ROBO1: variants seen among roughly 807,000 people sequenced by gnomAD.
ROBO1 encodes roundabout guidance receptor 1.
ROBO1 carries 149 observed loss-of-function variants against 195.9 expected under a neutral mutation model. That is an observed-to-expected ratio of 0.76 (90% confidence interval 0.67 to 0.87). The LOEUF (loss-of-function observed/expected upper bound fraction) is 0.87, where lower values mean the gene tolerates loss of function less well. ROBO1 is among the 40% of genes least tolerant of loss of function. The pLI is 0.00. For missense variants in ROBO1, 1,933 were observed against 2,068.3 expected, an observed-to-expected ratio of 0.93 and a Z score of 1.27; for synonymous variants, 816 against 733.2, an observed-to-expected ratio of 1.11 and a Z score of -1.82.
rs1381488370 is a variant in ROBO1, at chr3:79,300,433, ACTGGGCGTTAGCTGCCTTC to A, written c.89-174913_89-174895del. 4.6e-5 allele frequency among the ~76,000 whole-genome samples: 7 copies of A among 152,258 alleles called. No homozygotes were observed. In the East Asian group the frequency reaches 1.4e-3, roughly 29 times the overall value. On this transcript the variant is annotated intron_variant, in intron 2 of 30. Transcript: ENST00000464233. ...CCACCGGCGCTGCGCTCGATTTCTC[ACTGGGCGTTAGCTGCCTTC>A]CCGCGGGGCAGGGCTCGGGACCTGC...
chr3:79,107,405 T>C (rs1344159381), intron 3 of ROBO1, among the ~76,000 whole-genome samples: 3 of 151,780 alleles, frequency 2.0e-5, no homozygotes, highest in African/African-American at 4.8e-5. Context: ...ATAAGAGTTA[T>C]AGCAGAGTTG....
chr3:79,337,361 A>G lies in ROBO1; in HGVS notation c.89-211822T>C, dbSNP rs567385352. 2.6e-5 allele frequency among the ~76,000 whole-genome samples: 4 copies of G among 152,310 alleles called. No homozygotes were observed. The East Asian group carries it at 7.7e-4, about 29-fold the overall frequency. On this transcript the variant is annotated intron_variant, in intron 2 of 30. Transcript: ENST00000464233. Reference sequence around the variant, plus strand: ...GGGACGAAGTGGAGATAATTGAATCATGGAGGCAGTTTCCCCATATTGTTC... The same window carrying G: ...GGGACGAAGTGGAGATAATTGAATCGTGGAGGCAGTTTCCCCATATTGTTC...
chr3:79,603,396 C>A (rs1364186777), intron 1 of ROBO1, among the ~76,000 whole-genome samples: 1 of 151,974 alleles, frequency 6.6e-6, no homozygotes, highest in African/African-American at 2.4e-5. Context: ...ATACCCCCCA[C>A]AGCCCTTGAA....
At chr3:79,214,826 A>ATT (rs60371742) in intron 2 of ROBO1, among the ~76,000 whole-genome samples, 75 of 129,130 alleles carry the variant, frequency 5.8e-4, no homozygotes, top group Middle Eastern at 4.1e-3. Context: ...ATATATATAT[A>ATT]TTTTTTTTTT....
chr3:79,108,642 T>C (rs1201352480), intron 3 of ROBO1, among the ~76,000 whole-genome samples: 1 of 151,808 alleles, frequency 6.6e-6, no homozygotes, highest in Admixed American at 6.6e-5. Flanking sequence ...AGAAACTATA[T>C]GCATATTAAA....
In ROBO1 at chr3:78,600,209, T is replaced by C. The variant is rs1161301877; in HGVS notation, c.4845A>G (p.Arg1615=). 6.2e-7 allele frequency: 1 copy of C among 1,613,600 alleles called. No individual in the cohort carries two copies. Among genetic ancestry groups the C allele is most frequent in the East Asian group, 2.2e-5 (1 of 44,836 alleles). ...SSMSSRGSGS[R]QREQANVGRR... ...GACCTACATTTGCTTGTTCTCTTTGTCTGCTTCCTGATCCTCTTGATGACA... is the reference window on the plus strand; with the variant it reads ...GACCTACATTTGCTTGTTCTCTTTGCCTGCTTCCTGATCCTCTTGATGACA... Residue 1615 remains arginine, a synonymous_variant, in exon 30 of 31, where the codon AGA becomes AGG. Transcript: ENST00000464233.
chr3:78,652,483 C>T (rs906219943), intron 18 of ROBO1, among the ~76,000 whole-genome samples: 12 of 151,850 alleles, frequency 7.9e-5, no homozygotes, highest in African/African-American at 1.7e-4. Context: ...GTGTGTACCC[C>T]GACACTAACA....
At chr3:79,340,235 A>C (rs2109220054) in intron 2 of ROBO1, among the ~76,000 whole-genome samples, 1 of 152,290 alleles carries the variant, frequency 6.6e-6, no homozygotes, top group African/African-American at 2.4e-5. Flanking sequence ...TCAATCCAAA[A>C]GTCATATCTA....
chr3:79,376,527 G>A (rs1488652735), intron 2 of ROBO1, among the ~76,000 whole-genome samples: 1 of 152,106 alleles, frequency 6.6e-6, no homozygotes, highest in East Asian at 1.9e-4. Flanking sequence ...ATTGAATCAT[G>A]GGGGCAGGTC....
intron 3 of ROBO1, among the ~76,000 whole-genome samples, chr3:79,035,834 A>G (rs932786639): frequency 6.6e-6 from 1 of 152,202 alleles, no homozygotes; most frequent in Non-Finnish European, 1.5e-5. Context: ...CTTTTGTTAA[A>G]CAACTCGAAA....
intron 3 of ROBO1, among the ~76,000 whole-genome samples, chr3:79,117,674 T>C (rs1277184597): frequency 6.6e-6 from 1 of 152,186 alleles, no homozygotes; most frequent in Non-Finnish European, 1.5e-5. Flanking sequence ...TACCAACCTG[T>C]AGCTGACTAA....
intron 3 of ROBO1, among the ~76,000 whole-genome samples, chr3:79,111,718 T>A (rs569786093): frequency 1.2e-4 from 18 of 152,138 alleles, no homozygotes; most frequent in African/African-American, 4.1e-4. Context: ...AAGAAGAAAA[T>A]AATTTTAAAG....
chr3:79,390,426 C>A (rs1448060538), intron 2 of ROBO1, among the ~76,000 whole-genome samples: 2 of 152,014 alleles, frequency 1.3e-5, no homozygotes, highest in Non-Finnish European at 2.9e-5. Flanking sequence ...AGAAAACAAG[C>A]TTCAAGCTCA....
At chr3:79,019,604 T>C (rs2078055623) in intron 3 of ROBO1, 2 of 970,868 alleles carry the variant, frequency 2.1e-6, no homozygotes, top group Non-Finnish European at 2.4e-6. Flanking sequence ...TGCTCCTCAA[T>C]ATTTCCATCC....
At chr3:78,822,804 A>G (rs1463668589) in intron 4 of ROBO1, among the ~76,000 whole-genome samples, 1 of 152,232 alleles carries the variant, frequency 6.6e-6, no homozygotes, top group Non-Finnish European at 1.5e-5. Flanking sequence ...ATGATTGAAA[A>G]TTAACATTTA....
At chr3:79,457,743 C>T (rs2039666328) in intron 2 of ROBO1, among the ~76,000 whole-genome samples, 1 of 152,166 alleles carries the variant, frequency 6.6e-6, no homozygotes, top group African/African-American at 2.4e-5. Flanking sequence ...TGAGACATGA[C>T]TTTGTTCCTC....
chr3:79,761,708 T>C (rs966231522), intron 1 of ROBO1, among the ~76,000 whole-genome samples: 16 of 152,254 alleles, frequency 1.1e-4, no homozygotes. Context: ...GTGACTCATG[T>C]GATCTAATTT....
chr3:79,013,257 A>G (rs1423410025), intron 3 of ROBO1, among the ~76,000 whole-genome samples: 2 of 152,194 alleles, frequency 1.3e-5, no homozygotes. Context: ...TCCAGTGTGC[A>G]AGAAGAACAA....
intron 2 of ROBO1, among the ~76,000 whole-genome samples, chr3:79,569,691 A>G (rs149369649): frequency 0.27 from 39,837 of 147,040 alleles, 5,486 homozygotes; most frequent in Non-Finnish European, 0.33. Context: ...GTGTGTGTGT[A>G]TATATATATG....
Sources: allele counts gnomAD v4.1 joint callset (sites outside exome capture counted in the v4.1 genomes callset), GRCh38; gene constraint gnomAD v4.1.1; transcripts MANE v1.5; gene names NCBI Gene and HGNC (gene_info 2026-07-23, HGNC 2026-07-21).